Variants in XKR4 observed in about 807,000 individuals in gnomAD.
The protein encoded by XKR4 is XK-related protein 4.
Under a neutral mutation model 53.9 loss-of-function variants are expected in XKR4, and 12 were observed. The observed-to-expected ratio is 0.22, with a 90% CI of 0.14 to 0.36. XKR4 has a LOEUF of 0.36. Among genes scored for constraint, XKR4 ranks in the 10% least tolerant of loss-of-function variants. The pLI, the probability that XKR4 is intolerant of heterozygous loss-of-function variation, is 1.00. For synonymous variants in XKR4, 354 were observed against 362.4 expected, an observed-to-expected ratio of 0.98 and a Z score of 0.26; for missense variants, 799 against 859.5, an observed-to-expected ratio of 0.93 and a Z score of 0.88.
chr8:55,385,502 T>A (rs1405081222), intron 2 of XKR4, among the ~76,000 whole-genome samples: 1 of 152,234 alleles, frequency 6.6e-6, no homozygotes, highest in African/African-American at 2.4e-5. Flanking sequence ...GCTTTATTTA[T>A]CTTCAGCTGT....
At chr8:55,330,045 G>T (rs984095081) in intron 1 of XKR4, among the ~76,000 whole-genome samples, 1 of 152,096 alleles carries the variant, frequency 6.6e-6, no homozygotes, top group Admixed American at 6.6e-5. Context: ...AATTGGGTGT[G>T]GTTATAAATA....
intron 1 of XKR4, among the ~76,000 whole-genome samples, chr8:55,352,126 C>T (rs1803732772): frequency 6.6e-6 from 1 of 152,236 alleles, no homozygotes; most frequent in East Asian, 1.9e-4. Flanking sequence ...TGTTATTTTT[C>T]CCTAGTTAAA....
chr8:55,160,296 G>C (rs73597001), intron 1 of XKR4, among the ~76,000 whole-genome samples: 12,402 of 152,234 alleles, frequency 0.081, 969 homozygotes, highest in African/African-American at 0.21. Flanking sequence ...TATGCAAGGA[G>C]TGTTTAAATT....
At chr8:55,428,829 C>T (rs77609022) in intron 2 of XKR4, among the ~76,000 whole-genome samples, 7,165 of 152,298 alleles carry the variant, frequency 0.047, 456 homozygotes, top group African/African-American at 0.15. Context: ...TAAGACTCAA[C>T]ATAGCAAAGT....
rs1806885977 is a variant in XKR4 at position 55,526,594 on chromosome 8, C to T, written c.*2367C>T. 2 of 152,174 alleles carry T rather than the reference C, an allele frequency of 1.3e-5. No individual in the cohort carries two copies. Among genetic ancestry groups the T allele is most frequent in the South Asian group, 4.1e-4 (2 of 4,832 alleles). The allele number at this position is 152,174 out of a possible 1,614,324, so 9.4% of individuals were successfully genotyped here. A position where few individuals can be genotyped will look rare whatever the true frequency, so the allele number is the denominator to read the frequency against. On this transcript the variant is annotated 3_prime_UTR_variant, in exon 3 of 3. Transcript: ENST00000327381. Reference sequence around the variant, plus strand: ...TTTGTGCAGAACCTTGAGTTATTAGCTTCATTGTTTCCAAGACAACTTTTA... The same window carrying T: ...TTTGTGCAGAACCTTGAGTTATTAGTTTCATTGTTTCCAAGACAACTTTTA...
intron 2 of XKR4, among the ~76,000 whole-genome samples, chr8:55,464,672 A>C (rs1451124126): frequency 6.6e-6 from 1 of 152,178 alleles, no homozygotes; most frequent in Non-Finnish European, 1.5e-5. Flanking sequence ...AGGGTATTCA[A>C]TTAGGAAAAG....
intron 1 of XKR4, among the ~76,000 whole-genome samples, chr8:55,106,098 A>G (rs896296858): frequency 1.3e-5 from 2 of 152,186 alleles, no homozygotes; most frequent in Non-Finnish European, 2.9e-5. Context: ...ATGTTTTAAC[A>G]TGCTACTTTC....
At chr8:55,438,586 T>C in intron 2 of XKR4, among the ~76,000 whole-genome samples, 1 of 84,498 alleles carries the variant, frequency 1.2e-5, no homozygotes, top group Non-Finnish European at 2.1e-5. Flanking sequence ...CAAGACTCCA[T>C]CTTGAAAAAA....
At chr8:55,475,728 A>G (rs561887547) in intron 2 of XKR4, among the ~76,000 whole-genome samples, 157 of 151,864 alleles carry the variant, frequency 1.0e-3, no homozygotes, top group Admixed American at 1.6e-3. Context: ...TCAGCCTCCC[A>G]AGTAGCTGGG....
At chr8:55,386,329 TGCAAA>T (rs1472746783) in intron 2 of XKR4, among the ~76,000 whole-genome samples, 1 of 152,216 alleles carries the variant, frequency 6.6e-6, no homozygotes, top group African/African-American at 2.4e-5. Flanking sequence ...TGAGAGTCCC[TGCAAA>T]GGGAGTTCTG....
chr8:55,138,333 A>AC (rs1308695725), intron 1 of XKR4, among the ~76,000 whole-genome samples: 1 of 152,100 alleles, frequency 6.6e-6, no homozygotes, highest in African/African-American at 2.4e-5. Flanking sequence ...AATTTATTCT[A>AC]CCCCTCCAAT....
intron 1 of XKR4, among the ~76,000 whole-genome samples, chr8:55,135,994 A>G (rs1816623737): frequency 6.6e-6 from 1 of 151,918 alleles, no homozygotes; most frequent in African/African-American, 2.4e-5. Flanking sequence ...CCCGGGTTCA[A>G]GTGATGCTCC....
At chr8:55,121,632 A>G (rs1484230236) in intron 1 of XKR4, among the ~76,000 whole-genome samples, 2 of 152,180 alleles carry the variant, frequency 1.3e-5, no homozygotes, top group Non-Finnish European at 2.9e-5. Context: ...GGACATGTAG[A>G]CATTGAGTTC....
At chr8:55,396,418 T>TTTTTG (rs1804520025) in intron 2 of XKR4, among the ~76,000 whole-genome samples, 2 of 133,154 alleles carry the variant, frequency 1.5e-5, no homozygotes, top group Non-Finnish European at 3.3e-5. Context: ...TTTTTTTTTT[T>TTTTTG]GCAGAGGATG....
chr8:55,218,713 AC>A (rs771123151), intron 1 of XKR4, among the ~76,000 whole-genome samples: 2 of 152,240 alleles, frequency 1.3e-5, no homozygotes, highest in Admixed American at 1.3e-4. Context: ...GTCACAAGGC[AC>A]CTTTATAGCA....
At chr8:55,399,255 G>T (rs183397048) in intron 2 of XKR4, among the ~76,000 whole-genome samples, 1 of 152,110 alleles carries the variant, frequency 6.6e-6, no homozygotes, top group Non-Finnish European at 1.5e-5. Context: ...CATTTTCTGC[G>T]CTCATTATGT....
intron 2 of XKR4, among the ~76,000 whole-genome samples, chr8:55,426,971 T>A (rs191275153): frequency 6.6e-6 from 1 of 152,226 alleles, no homozygotes; most frequent in Non-Finnish European, 1.5e-5. Context: ...TACCACTGCC[T>A]ACAGTTGCTA....
chr8:55,376,063 T>G (rs1563335684), intron 2 of XKR4, among the ~76,000 whole-genome samples: 1 of 152,190 alleles, frequency 6.6e-6, no homozygotes, highest in Non-Finnish European at 1.5e-5. Context: ...ACAATCTCTT[T>G]CCTTTTTATG....
intron 2 of XKR4, among the ~76,000 whole-genome samples, chr8:55,433,889 T>C (rs1237202216): frequency 6.6e-6 from 1 of 152,032 alleles, no homozygotes; most frequent in Non-Finnish European, 1.5e-5. Flanking sequence ...AAACATTAAC[T>C]GGGCGTGGCA....
Sources: gnomAD v4.1 joint callset for allele counts (sites outside exome capture counted in the v4.1 genomes callset) on GRCh38, gnomAD v4.1.1 for gene constraint, MANE v1.5 for transcripts, NCBI Gene and HGNC (gene_info 2026-07-23, HGNC 2026-07-21) for gene names.